Variants in CYP27A1 observed in about 807,000 individuals in gnomAD.
CYP27A1 encodes the protein sterol 26-hydroxylase, mitochondrial.
A neutral mutation model predicts 58.2 loss-of-function variants in CYP27A1; 46 were observed. The observed-to-expected ratio is 0.79, with a 90% CI of 0.62 to 1.01. The LOEUF (loss-of-function observed/expected upper bound fraction) is 1.01. Among genes scored for constraint, CYP27A1 ranks in the 50% least tolerant of loss-of-function variants. CYP27A1 has a pLI of 0.00. For synonymous variants in CYP27A1, 274 were observed against 285.1 expected (o/e 0.96, Z 0.39); for missense variants, 704 against 687.0 (o/e 1.02, Z -0.28).
chr2:218,790,007 A>G (rs530745010), intron 1 of CYP27A1, among the ~76,000 whole-genome samples: 1 of 152,364 alleles, frequency 6.6e-6, no homozygotes, highest in South Asian at 2.1e-4. Context: ...CATTTAGCAT[A>G]AATGACTCTA....
intron 1 of CYP27A1, among the ~76,000 whole-genome samples, chr2:218,790,799 G>A (rs1034736719): frequency 2.0e-5 from 3 of 151,860 alleles, no homozygotes; most frequent in African/African-American, 2.4e-5. Context: ...CCGGGTTCAC[G>A]CCATTCTCCT....
At chr2:218,801,460 G>A (rs532151634) in intron 1 of CYP27A1, among the ~76,000 whole-genome samples, 86 of 151,952 alleles carry the variant, frequency 5.7e-4, no homozygotes, top group Non-Finnish European at 1.1e-3. Flanking sequence ...GAGCTGACAT[G>A]GTGCCACTGC....
At chr2:218,806,302 A>C (rs1004012908) in intron 1 of CYP27A1, among the ~76,000 whole-genome samples, 4 of 152,234 alleles carry the variant, frequency 2.6e-5, no homozygotes, top group Non-Finnish European at 5.9e-5. Flanking sequence ...TTAAAGAATT[A>C]GGAGACATAT....
At chr2:218,790,076 C>T (rs546673817) in intron 1 of CYP27A1, among the ~76,000 whole-genome samples, 1 of 152,284 alleles carries the variant, frequency 6.6e-6, no homozygotes, top group African/African-American at 2.4e-5. Flanking sequence ...AAACAATGGC[C>T]TCCCATAATT....
intron 5 of CYP27A1, 101 bp from the exon 6 acceptor site, chr2:218,813,920 T>C (rs183544370): frequency 2.3e-4 from 309 of 1,351,780 alleles, no homozygotes; most frequent in Admixed American, 1.4e-3. Context: ...AGTGGCAAAT[T>C]CATTTCTCCC....
chr2:218,808,394 A>G (rs1943672571), intron 1 of CYP27A1, among the ~76,000 whole-genome samples: 1 of 152,234 alleles, frequency 6.6e-6, no homozygotes, highest in South Asian at 2.1e-4. Flanking sequence ...CCATTTGTTC[A>G]AGGTGATGTC....
chr2:218,790,346 C>T (rs1424144104), intron 1 of CYP27A1, among the ~76,000 whole-genome samples: 1 of 152,216 alleles, frequency 6.6e-6, no homozygotes. Context: ...ACCACGGAGA[C>T]TACTGTTATG....
chr2:218,812,248 G>A lies in CYP27A1; in HGVS notation c.473G>A (p.Arg158His), dbSNP rs761927223. The change falls in exon 3 of 9, where the codon CGC (arginine) becomes CAC (histidine). Residue 158 changes from arginine to histidine, a missense_variant. Physicochemically the swap from Arg to His is conservative, Grantham distance 29. Transcript: ENST00000258415. ...GAAGGACACCACTGGTACCAGCTGC[G>A]CCAGGCTCTGAACCAGCGGTTGCTG... ...TTEGHHWYQL[R>H]QALNQRLLKP... The A allele has an allele frequency of 8.7e-6, 14 of 1,614,028 alleles. No individual in the cohort carries two copies. Among genetic ancestry groups the A allele is most frequent in the Middle Eastern group, 1.6e-4 (1 of 6,084 alleles).
intron 1 of CYP27A1, among the ~76,000 whole-genome samples, chr2:218,797,611 GA>G (rs1348331860): frequency 6.6e-6 from 1 of 152,176 alleles, no homozygotes; most frequent in African/African-American, 2.4e-5. Flanking sequence ...AGACAATTTT[GA>G]AACTGAAGTT....
At chr2:218,809,265 C>T (rs1221699189) in intron 1 of CYP27A1, among the ~76,000 whole-genome samples, 2 of 152,082 alleles carry the variant, frequency 1.3e-5, no homozygotes, top group Non-Finnish European at 2.9e-5. Flanking sequence ...CTCAACGTAC[C>T]TCAGTTTGCC....
At position 218,809,671 on chromosome 2, in the gene CYP27A1, T is replaced by A; in HGVS notation, c.350T>A (p.Val117Glu). The part of the protein sequence containing the change: ...NLASAPLLEQ[V>E]MRQEGKYPVR... ...GCCAGTGCCCCGCTCTTGGAGCAAGTGATGCGGCAAGAGGGCAAGTACCCA... is the reference window on the plus strand; with the variant it reads ...GCCAGTGCCCCGCTCTTGGAGCAAGAGATGCGGCAAGAGGGCAAGTACCCA... Residue 117 changes from valine (V) to glutamate (E), a missense_variant, in exon 2 of 9, where the codon GTG becomes GAG. Coordinates refer to ENST00000258415, the MANE Select transcript of CYP27A1 (RefSeq NM_000784.4). The A allele has an allele frequency of 6.2e-7, 1 of 1,614,090 alleles. No homozygotes were observed. Among genetic ancestry groups the A allele is most frequent in the Non-Finnish European group, 8.5e-7 (1 of 1,179,994 alleles).
At chr2:218,811,707 A>C (rs1943717363) in intron 2 of CYP27A1, among the ~76,000 whole-genome samples, 1 of 152,168 alleles carries the variant, frequency 6.6e-6, no homozygotes, top group Admixed American at 6.5e-5. Context: ...GGGAACCCTA[A>C]CTTGGTCCTC....
chr2:218,813,889 C>A (rs1943751978), intron 5 of CYP27A1, 132 bp from the exon 6 acceptor site: 2 of 953,360 alleles, frequency 2.1e-6, no homozygotes, highest in East Asian at 2.6e-5. Context: ...CATGAACCTG[C>A]ATGTTTTTTC....
At chr2:218,801,602 C>CA (rs1233050776) in intron 1 of CYP27A1, among the ~76,000 whole-genome samples, 1 of 151,950 alleles carries the variant, frequency 6.6e-6, no homozygotes, top group African/African-American at 2.4e-5. Context: ...ATGATATTTG[C>CA]AAAAACAGTC....
intron 1 of CYP27A1, among the ~76,000 whole-genome samples, chr2:218,785,578 T>C (rs1255947869): frequency 6.6e-6 from 1 of 152,026 alleles, no homozygotes; most frequent in African/African-American, 2.4e-5. Flanking sequence ...AAAGAAATTC[T>C]AGATGGCTTT....
chr2:218,786,702 C>T (rs1230238246), intron 1 of CYP27A1, among the ~76,000 whole-genome samples: 1 of 152,116 alleles, frequency 6.6e-6, no homozygotes, highest in Admixed American at 6.5e-5. Context: ...TCCTGTGCCC[C>T]CCAGTGCCCA....
intron 1 of CYP27A1, among the ~76,000 whole-genome samples, chr2:218,792,064 T>TACACACACACAC (rs61540539): frequency 2.8e-4 from 42 of 149,952 alleles, no homozygotes; most frequent in African/African-American, 9.8e-4. Flanking sequence ...TAGAAGTCAC[T>TACACACACACAC]ACACACACAC....
At chr2:218,792,040 C>G (rs1943498202) in intron 1 of CYP27A1, among the ~76,000 whole-genome samples, 1 of 151,822 alleles carries the variant, frequency 6.6e-6, no homozygotes, top group Non-Finnish European at 1.5e-5. Flanking sequence ...TGGTCATAAA[C>G]TATTTTAGCA....
chr2:218,782,271 C>T lies in CYP27A1; in HGVS notation c.89C>T (p.Ala30Val). 1 of 1,572,758 alleles carries T rather than the reference C, an allele frequency of 6.4e-7. No homozygotes were observed. The highest frequency in any genetic ancestry group is 1.2e-5 in the South Asian group (1 of 86,610). The change falls in exon 1 of 9, where the codon GCG becomes GTG. Residue 30 changes from alanine (A) to valine (V), a missense_variant. Coordinates refer to ENST00000258415, the MANE Select transcript of CYP27A1 (RefSeq NM_000784.4). This position sits in a 1 kb window ranked among gnomAD's most constrained non-coding sequence, Gnocchi z 4.1. ...LCPHGARAKA[A>V]IPAALPSDKA... ...CCCCACGGGGCCAGAGCCAAGGCCG[C>T]GATCCCTGCCGCCCTCCCCTCGGAC...
Sources: gnomAD v4.1 joint callset for allele counts (sites outside exome capture counted in the v4.1 genomes callset) on GRCh38, gnomAD v4.1.1 for gene constraint, Gnocchi (gnomAD v3.1) non-coding constraint, MANE v1.5 for transcripts, NCBI Gene and HGNC (gene_info 2026-07-23, HGNC 2026-07-21) for gene names.